Variants in FBLN1 observed in about 807,000 individuals in gnomAD.
The protein encoded by FBLN1 is fibulin 1, also known as fibulin-1.
FBLN1 carries 34 observed loss-of-function variants against 89.7 expected under a neutral mutation model. The ratio of observed to expected loss-of-function variants is 0.38; its 90% CI spans 0.29 to 0.50. The LOEUF (loss-of-function observed/expected upper bound fraction) is 0.50, where lower values mean the gene tolerates loss of function less well. Among genes scored for constraint, FBLN1 ranks in the 20% least tolerant of loss-of-function variants. The probability of loss-of-function intolerance (pLI) is 0.92; values close to 1 mark genes in which losing one functional copy is unlikely to be tolerated. For synonymous variants in FBLN1, 393 were observed against 391.3 expected, an observed-to-expected ratio of 1.00 and a Z score of -0.05; for missense variants, 777 against 988.1, an observed-to-expected ratio of 0.79 and a Z score of 2.86.
Position 45,535,434 on chromosome 22 carries a change from T to G in FBLN1, c.922+97T>G, listed in dbSNP as rs1273149151. On this transcript the variant is annotated intron_variant, in intron 8 of 16. Transcript: ENST00000327858. ...CTAGAATCTGCGGGGCCGCATGGTATACAGAACAGGGGTTGGCAAACTTTT... is the reference window on the plus strand; with the variant it reads ...CTAGAATCTGCGGGGCCGCATGGTAGACAGAACAGGGGTTGGCAAACTTTT... 2.7e-6 allele frequency: 4 copies of G among 1,484,070 alleles called. No individual in the cohort carries two copies. The East Asian group carries it at 9.5e-5, about 35-fold the overall frequency. The allele number at this position is 1,484,070 out of a possible 1,614,324, so 91.9% of individuals were successfully genotyped here. A position where few individuals can be genotyped will look rare whatever the true frequency, so the allele number is the denominator to read the frequency against.
In FBLN1 at chr22:45,569,642, AAAG is replaced by A. The variant is rs56907104; in HGVS notation, c.1698-4831_1698-4829del. 6.3e-3 allele frequency among the ~76,000 whole-genome samples: 951 copies of A among 149,848 alleles called. 10 individuals are homozygous for A. Among genetic ancestry groups the A allele is most frequent in the East Asian group, 0.036 (181 of 5,064 alleles). ...TGACAGGGCAAGACTCTGTCTCAAAAAAGAAGAAGAAGAAGAAGAAGAAGAAGA... is the reference window on the plus strand; with the variant it reads ...TGACAGGGCAAGACTCTGTCTCAAAAAAGAAGAAGAAGAAGAAGAAGAAGA... On this transcript the variant is annotated intron_variant, in intron 14 of 16. Coordinates refer to ENST00000327858, the MANE Select transcript of FBLN1 (RefSeq NM_006486.3).
At chr22:45,591,683 A>G (rs1205708598) in intron 16 of FBLN1, among the ~76,000 whole-genome samples, 2 of 152,062 alleles carry the variant, frequency 1.3e-5, no homozygotes, top group African/African-American at 4.8e-5. Flanking sequence ...AGTCCCTTCA[A>G]CTGCACCACC....
In FBLN1 at chr22:45,579,586, C is replaced by T. The variant is rs553661712; in HGVS notation, c.1972+2478C>T. Reference sequence around the variant, plus strand: ...GTAGCCCTGTGTGCTGGGGAGGCCCCTGCCTCTTCCACGCCTCGGTCTGTG... The same window carrying T: ...GTAGCCCTGTGTGCTGGGGAGGCCCTTGCCTCTTCCACGCCTCGGTCTGTG... On this transcript the variant is annotated intron_variant, in intron 16 of 16. Coordinates refer to ENST00000327858, the MANE Select transcript of FBLN1 (RefSeq NM_006486.3). The surrounding 1 kb of genome is among the most constrained non-coding windows in gnomAD (Gnocchi z 5.5). 8.5e-5 allele frequency among the ~76,000 whole-genome samples: 13 copies of T among 152,328 alleles called. No homozygotes were observed. In the South Asian group the frequency reaches 1.0e-3, roughly 12 times the overall value.
intron 14 of FBLN1, among the ~76,000 whole-genome samples, chr22:45,566,441 T>C (rs1008513473): frequency 1.3e-5 from 2 of 152,204 alleles, no homozygotes; most frequent in Non-Finnish European, 2.9e-5. Flanking sequence ...CCGCAGCTCC[T>C]TGGGGCTCCT....
chr22:45,514,396 G>C (rs1469294124), intron 1 of FBLN1, among the ~76,000 whole-genome samples: 1 of 152,194 alleles, frequency 6.6e-6, no homozygotes, highest in Non-Finnish European at 1.5e-5. Context: ...TAATGGGTGG[G>C]AGGTAACCAG....
Position 45,531,249 on chromosome 22 carries a change from T to C in FBLN1, c.485-16T>C. ...GTGTTTGGATAAATGTCTGACTTGG[T>C]CTTTTTCCCCCTTAGATAAGATCAT... is the stretch of plus-strand genomic sequence containing the variant. On this transcript the variant is annotated splice_polypyrimidine_tract_variant and intron_variant, in intron 4 of 16. Transcript: ENST00000327858. This position sits in a 1 kb window ranked among gnomAD's most constrained non-coding sequence, Gnocchi z 4.9. 1 of 1,612,702 alleles carries C rather than the reference T, an allele frequency of 6.2e-7. No homozygotes were observed. The highest frequency in any genetic ancestry group is 8.5e-7 in the Non-Finnish European group (1 of 1,178,726).
At chr22:45,592,958 C>T (rs1450035313) in intron 16 of FBLN1, among the ~76,000 whole-genome samples, 2 of 152,204 alleles carry the variant, frequency 1.3e-5, no homozygotes, top group African/African-American at 4.8e-5. Context: ...TGCTCTTTGA[C>T]AGCCCTGCAC....
intron 1 of FBLN1, chr22:45,517,685 G>T (rs894907852): frequency 8.6e-6 from 4 of 466,372 alleles, no homozygotes; most frequent in Middle Eastern, 6.6e-4. Context: ...TTCTGTGGAA[G>T]AGGGGATCTT....
intron 10 of FBLN1, among the ~76,000 whole-genome samples, chr22:45,543,009 G>A (rs542207422): frequency 6.6e-6 from 1 of 152,364 alleles, no homozygotes; most frequent in Admixed American, 6.5e-5. Context: ...GCTCATGCCT[G>A]TAATCCCAGC....
Position 45,574,606 on chromosome 22 carries a change from A to T in FBLN1, c.1793A>T (p.His598Leu). Residue 598 changes from histidine (H) to leucine (L), a missense_variant, in exon 15 of 17, where the codon CAC becomes CTC. Physicochemically the swap from His to Leu is moderately conservative, Grantham distance 99. Coordinates refer to ENST00000327858, the MANE Select transcript of FBLN1 (RefSeq NM_006486.3). This position sits in a 1 kb window ranked among gnomAD's most constrained non-coding sequence, Gnocchi z 4.1. ...CVFDPVHTIS[H>L]TVISLPTFRE... ...TTCGACCCCGTGCACACCATCTCCC[A>T]CACCGTCATCTCGCTGCCTACCTTC... 6.2e-7 allele frequency: 1 copy of T among 1,613,982 alleles called. No individual in the cohort carries two copies. The highest frequency in any genetic ancestry group is 8.5e-7 in the Non-Finnish European group (1 of 1,180,004).
At chr22:45,529,781 C>T (rs1009654737) in intron 4 of FBLN1, among the ~76,000 whole-genome samples, 2 of 152,156 alleles carry the variant, frequency 1.3e-5, no homozygotes, top group Admixed American at 6.5e-5. Context: ...CAGGGAGAAT[C>T]GCTTGAACCT....
rs2089123841 is a variant in FBLN1 at position 45,590,171 on chromosome 22, G to A, written c.1973-10136G>A. Among the ~76,000 whole-genome samples the A allele has an allele frequency of 1.3e-5, 2 of 152,214 alleles. No homozygotes were observed. Among genetic ancestry groups the A allele is most frequent in the African/African-American group, 4.8e-5 (2 of 41,452 alleles). On this transcript the variant is annotated intron_variant, in intron 16 of 16. Coordinates refer to ENST00000327858, the MANE Select transcript of FBLN1 (RefSeq NM_006486.3). This position sits in a 1 kb window ranked among gnomAD's most constrained non-coding sequence, Gnocchi z 4.1. Reference sequence around the variant, plus strand: ...GGGCTCTGCTCTGACCTGCAGGCCTGGGGCTCAGGACCCCCTCTCTGCACT... The same window carrying A: ...GGGCTCTGCTCTGACCTGCAGGCCTAGGGCTCAGGACCCCCTCTCTGCACT...
chr22:45,550,657 G>A lies in FBLN1; in HGVS notation c.1697+42G>A. 6.2e-7 allele frequency: 1 copy of A among 1,613,832 alleles called. No individual in the cohort carries two copies. The highest frequency in any genetic ancestry group is 8.5e-7 in the Non-Finnish European group (1 of 1,179,988). On this transcript the variant is annotated intron_variant, in intron 14 of 16. Transcript: ENST00000327858. This position sits in a 1 kb window ranked among gnomAD's most constrained non-coding sequence, Gnocchi z 8.4. The stretch of plus-strand genomic sequence containing the variant: ...ATGCCATCGTCGTCTGTCTGTGTTG[G>A]CCTTCCTGGTGACCCAGTTCCCGGG...
At chr22:45,535,441 CAG>C (rs2088472278) in intron 8 of FBLN1, 104 bp downstream of exon 8, 1 of 1,410,334 alleles carries the variant, frequency 7.1e-7, no homozygotes, top group Non-Finnish European at 9.8e-7. Context: ...GTATACAGAA[CAG>C]GGGTTGGCAA....
intron 14 of FBLN1, among the ~76,000 whole-genome samples, chr22:45,560,831 C>T (rs532818298): frequency 3.4e-4 from 52 of 152,290 alleles, no homozygotes; most frequent in African/African-American, 1.2e-3. Flanking sequence ...AGTTATAGGT[C>T]TAGAGGCAAA....
In FBLN1 at chr22:45,557,720, A is replaced by G. The variant is rs1453231725; in HGVS notation, c.1697+7105A>G. Among the ~76,000 whole-genome samples the G allele has an allele frequency of 6.6e-6, 1 of 152,218 alleles. No individual in the cohort carries two copies. The highest frequency in any genetic ancestry group is 1.9e-4 in the East Asian group (1 of 5,200). ...TCTCATGTGATACAAATATCTTCACAGTTTTTGACCACTCAGAGAGGTCTA... is the reference window on the plus strand; with the variant it reads ...TCTCATGTGATACAAATATCTTCACGGTTTTTGACCACTCAGAGAGGTCTA... On this transcript the variant is annotated intron_variant, in intron 14 of 16. Coordinates refer to ENST00000327858, the MANE Select transcript of FBLN1 (RefSeq NM_006486.3). This position sits in a 1 kb window ranked among gnomAD's most constrained non-coding sequence, Gnocchi z 4.9.
chr22:45,503,709 G>T (rs1245261671), intron 1 of FBLN1, among the ~76,000 whole-genome samples: 2 of 152,168 alleles, frequency 1.3e-5, no homozygotes, highest in African/African-American at 4.8e-5. Context: ...GGGACAGAGG[G>T]CCCAAGGCAG....
chr22:45,577,839 C>A lies in FBLN1; in HGVS notation c.1972+731C>A, dbSNP rs1022401692. On this transcript the variant is annotated intron_variant, in intron 16 of 16. Coordinates refer to ENST00000327858, the MANE Select transcript of FBLN1 (RefSeq NM_006486.3). This position sits in a 1 kb window ranked among gnomAD's most constrained non-coding sequence, Gnocchi z 6.6. ...CCTGGCTAGGAACGGGCTTTAATGA[C>A]AACCTACTCGTGTGAAAAAATATCC... is the stretch of plus-strand genomic sequence containing the variant. 1 of 156,078 alleles carries A rather than the reference C, an allele frequency of 6.4e-6. No homozygotes were observed. Among genetic ancestry groups the A allele is most frequent in the Non-Finnish European group, 1.4e-5 (1 of 70,412 alleles). 9.7% of individuals were successfully genotyped at this position (156,078 alleles called of 1,614,324 possible). A position where few individuals can be genotyped will look rare whatever the true frequency, so the allele number is the denominator to read the frequency against.
At position 45,531,442 on chromosome 22, in the gene FBLN1, C is replaced by T. The variant is rs1182481351; in HGVS notation, c.544+118C>T. 6.9e-6 allele frequency: 6 copies of T among 869,246 alleles called. No homozygotes were observed. The highest frequency in any genetic ancestry group is 1.2e-5 in the Non-Finnish European group (6 of 521,252). 53.8% of individuals were successfully genotyped at this position (869,246 alleles called of 1,614,324 possible). A position where few individuals can be genotyped will look rare whatever the true frequency, so the allele number is the denominator to read the frequency against. On this transcript the variant is annotated intron_variant, in intron 5 of 16. Coordinates refer to ENST00000327858, the MANE Select transcript of FBLN1 (RefSeq NM_006486.3). The surrounding 1 kb of genome is among the most constrained non-coding windows in gnomAD (Gnocchi z 4.9). ...AGCCAAGGCAGGAGGATTCCTTGAG[C>T]CCAGGAGGTTGTGGCTGCAGTGAGC...
Sources: gnomAD v4.1 joint callset for allele counts (sites outside exome capture counted in the v4.1 genomes callset) on GRCh38, gnomAD v4.1.1 for gene constraint, Gnocchi (gnomAD v3.1) non-coding constraint, MANE v1.5 for transcripts, NCBI Gene and HGNC (gene_info 2026-07-23, HGNC 2026-07-21) for gene names.